PLD1: variants seen among roughly 807,000 people sequenced by gnomAD.
PLD1 encodes choline phosphatase 1.
PLD1 carries 112 observed loss-of-function variants against 137.1 expected under a neutral mutation model. The observed-to-expected ratio is 0.82, with a 90% confidence interval of 0.70 to 0.96. PLD1 has a LOEUF of 0.96. Ranked by LOEUF, PLD1 falls within the 40% of genes least tolerant of loss-of-function variation. The pLI is 0.00. For missense variants in PLD1, 1,321 were observed against 1,342.0 expected (o/e 0.98, Z 0.24); for synonymous variants, 431 against 454.7 (o/e 0.95, Z 0.66).
intron 1 of PLD1, among the ~76,000 whole-genome samples, chr3:171,773,796 G>A (rs1316588148): frequency 2.0e-5 from 3 of 151,854 alleles, no homozygotes; most frequent in Admixed American, 1.3e-4. Context: ...TCACCCAGGC[G>A]GGACTGCAGT....
intron 8 of PLD1, among the ~76,000 whole-genome samples, chr3:171,716,754 C>A (rs541314827): frequency 4.6e-5 from 7 of 152,290 alleles, no homozygotes; most frequent in Admixed American, 2.6e-4. Context: ...TAATTAGATT[C>A]CATTCGCCAA....
Position 171,808,815 on chromosome 3 carries a change from ATTTTTT to A in PLD1, c.-32+1578_-32+1583del, listed in dbSNP as rs60146546. The stretch of plus-strand genomic sequence containing the variant: ...TTTTTCCTCAAAGCCTTAGCATTCA[ATTTTTT>A]TTTTTTTTTTTTTTTTTTTTTGAGA... On this transcript the variant is annotated intron_variant, in intron 1 of 26. Coordinates refer to ENST00000351298, the MANE Select transcript of PLD1 (RefSeq NM_002662.5). 1.8e-3 allele frequency among the ~76,000 whole-genome samples: 156 copies of A among 86,226 alleles called. 2 individuals are homozygous for A. The highest frequency in any genetic ancestry group is 5.0e-3 in the African/African-American group (103 of 20,666). 56.6% of individuals were successfully genotyped at this position (86,226 alleles called of 152,430 possible).
At chr3:171,618,386 CA>C (rs1240272188) in intron 24 of PLD1, among the ~76,000 whole-genome samples, 2 of 152,168 alleles carry the variant, frequency 1.3e-5, no homozygotes, top group African/African-American at 4.8e-5. Context: ...GGCTGAAAGT[CA>C]AAATGACCTT....
intron 23 of PLD1, among the ~76,000 whole-genome samples, chr3:171,625,805 G>A (rs1013448686): frequency 6.6e-6 from 1 of 152,104 alleles, no homozygotes; most frequent in African/African-American, 2.4e-5. Flanking sequence ...TCTGTTAGAA[G>A]GAAAACTAAC....
chr3:171,601,140 C>T lies in PLD1; in HGVS notation c.*1938G>A, dbSNP rs916421118. The stretch of plus-strand genomic sequence containing the variant: ...GCTGCAGCAATGTTGCTAGTCCCAG[C>T]TCTACCATCTACACATTGAGTGGAT... On this transcript the variant is annotated 3_prime_UTR_variant, in exon 27 of 27. Coordinates refer to ENST00000351298, the MANE Select transcript of PLD1 (RefSeq NM_002662.5). The T allele has an allele frequency of 6.6e-6, 1 of 152,192 alleles. No individual in the cohort carries two copies. The highest frequency in any genetic ancestry group is 6.5e-5 in the Admixed American group (1 of 15,282). 9.4% of individuals were successfully genotyped at this position (152,192 alleles called of 1,614,324 possible).
chr3:171,780,597 A>G (rs185834127), intron 1 of PLD1, among the ~76,000 whole-genome samples: 42 of 152,270 alleles, frequency 2.8e-4, no homozygotes, highest in Admixed American at 2.6e-3. Context: ...GGTGAGAAAG[A>G]CAGAAGCCAG....
At chr3:171,726,751 G>A (rs931159633) in intron 6 of PLD1, among the ~76,000 whole-genome samples, 4 of 152,200 alleles carry the variant, frequency 2.6e-5, no homozygotes, top group Admixed American at 2.0e-4. Flanking sequence ...AACAACAACT[G>A]TGGCTGTGTT....
At chr3:171,764,286 T>C (rs1042876663) in intron 1 of PLD1, among the ~76,000 whole-genome samples, 4 of 152,242 alleles carry the variant, frequency 2.6e-5, no homozygotes, top group East Asian at 1.9e-4. Flanking sequence ...CAGTTTATTT[T>C]TGATGACACA....
At chr3:171,729,058 C>T (rs1718740585) in intron 6 of PLD1, among the ~76,000 whole-genome samples, 1 of 152,138 alleles carries the variant, frequency 6.6e-6, no homozygotes. Context: ...TGATGTTGTC[C>T]AAACTTCTTA....
At chr3:171,667,079 T>C (rs1447155933) in intron 19 of PLD1, among the ~76,000 whole-genome samples, 1 of 152,242 alleles carries the variant, frequency 6.6e-6, no homozygotes, top group African/African-American at 2.4e-5. Context: ...TTATTCCCTA[T>C]AAATTCAGCA....
intron 8 of PLD1, 91 bp from the exon 9 acceptor site, chr3:171,714,136 C>T: frequency 1.3e-6 from 1 of 752,146 alleles, no homozygotes; most frequent in Non-Finnish European, 2.2e-6. Flanking sequence ...AGTAATCACT[C>T]TGGCAGACTG....
At chr3:171,635,306 T>C (rs958588823) in intron 23 of PLD1, among the ~76,000 whole-genome samples, 1 of 152,192 alleles carries the variant, frequency 6.6e-6, no homozygotes, top group Non-Finnish European at 1.5e-5. Context: ...TGCTGGGTTA[T>C]AGGCTAACTA....
At chr3:171,604,153 A>G (rs1476516706) in intron 26 of PLD1, among the ~76,000 whole-genome samples, 1 of 152,054 alleles carries the variant, frequency 6.6e-6, no homozygotes, top group East Asian at 1.9e-4. Context: ...AGCCTGTATC[A>G]TAATACAAAA....
intron 1 of PLD1, among the ~76,000 whole-genome samples, chr3:171,774,669 A>G (rs1469920487): frequency 6.6e-6 from 1 of 151,980 alleles, no homozygotes; most frequent in Non-Finnish European, 1.5e-5. Flanking sequence ...ACTTTCATAA[A>G]CTGTATCAAG....
chr3:171,766,776 G>A (rs990329766), intron 1 of PLD1, among the ~76,000 whole-genome samples: 17 of 152,072 alleles, frequency 1.1e-4, no homozygotes, highest in African/African-American at 4.1e-4. Context: ...AAGAGAAAGT[G>A]CTTACCCATT....
chr3:171,622,464 T>C (rs1219103288), intron 23 of PLD1, among the ~76,000 whole-genome samples: 1 of 152,166 alleles, frequency 6.6e-6, no homozygotes, highest in Non-Finnish European at 1.5e-5. Context: ...GCAAGTCTGC[T>C]CATATGAGGA....
intron 25 of PLD1, among the ~76,000 whole-genome samples, chr3:171,607,813 G>T (rs1417251722): frequency 6.6e-6 from 1 of 152,074 alleles, no homozygotes; most frequent in Non-Finnish European, 1.5e-5. Flanking sequence ...AATTTTCTAG[G>T]ACTTGAACTG....
chr3:171,716,582 G>T (rs1028371159), intron 8 of PLD1, among the ~76,000 whole-genome samples: 1 of 152,044 alleles, frequency 6.6e-6, no homozygotes, highest in Non-Finnish European at 1.5e-5. Context: ...ACTTTTTAAT[G>T]GAATTTTTTG....
intron 25 of PLD1, among the ~76,000 whole-genome samples, chr3:171,609,754 G>C (rs1168950026): frequency 1.3e-5 from 2 of 152,132 alleles, no homozygotes; most frequent in African/African-American, 4.8e-5. Context: ...CAAAAGGTGG[G>C]TGGGTAGAGG....
Sources: gnomAD v4.1 joint callset for allele counts (sites outside exome capture counted in the v4.1 genomes callset) on GRCh38, gnomAD v4.1.1 for gene constraint, MANE v1.5 for transcripts, NCBI Gene and HGNC (gene_info 2026-07-23, HGNC 2026-07-21) for gene names.